NIBAN1: variants seen among roughly 807,000 people sequenced by gnomAD.
NIBAN1 encodes the protein protein Niban 1.
NIBAN1 carries 81 observed loss-of-function variants against 75.1 expected under a neutral mutation model. That is an observed-to-expected ratio of 1.08 (90% CI 0.90 to 1.30). NIBAN1 has a LOEUF of 1.30. Ranked by LOEUF, NIBAN1 falls within the 50% of genes most tolerant of loss-of-function variation. The pLI is 0.00. For missense variants in NIBAN1, 1,133 were observed against 1,128.1 expected (o/e 1.00, Z -0.06); for synonymous variants, 436 against 424.8 (o/e 1.03, Z -0.32).
intron 6 of NIBAN1, among the ~76,000 whole-genome samples, chr1:184,831,260 T>C (rs1654991877): frequency 6.6e-6 from 1 of 152,162 alleles, no homozygotes; most frequent in African/African-American, 2.4e-5. Context: ...AAAAGATAAA[T>C]TAAATATATA....
chr1:184,813,084 C>A (rs767870071), intron 9 of NIBAN1, among the ~76,000 whole-genome samples: 1 of 152,178 alleles, frequency 6.6e-6, no homozygotes, highest in Non-Finnish European at 1.5e-5. Flanking sequence ...TCTGGAGGCA[C>A]CAGAGACCCC....
chr1:184,809,641 G>GTA (rs369789591), intron 9 of NIBAN1, among the ~76,000 whole-genome samples: 22,106 of 135,902 alleles, frequency 0.16, 2,152 homozygotes, highest in East Asian at 0.37. Flanking sequence ...ATGTGTGTGT[G>GTA]TATATATATA....
chr1:184,884,868 G>A (rs985461180), intron 4 of NIBAN1, 68 bp from the exon 5 acceptor site: 2 of 1,542,388 alleles, frequency 1.3e-6, no homozygotes, highest in Non-Finnish European at 1.8e-6. Flanking sequence ...GTGTGTTTCA[G>A]GTCGTGAGGG....
chr1:184,854,011 T>C (rs1655612420), intron 5 of NIBAN1, among the ~76,000 whole-genome samples: 1 of 152,226 alleles, frequency 6.6e-6, no homozygotes, highest in Non-Finnish European at 1.5e-5. Context: ...AATGATAATG[T>C]TTTATTTAAC....
chr1:184,846,010 C>A (rs1655433445), intron 5 of NIBAN1, among the ~76,000 whole-genome samples: 1 of 85,268 alleles, frequency 1.2e-5, no homozygotes, highest in Admixed American at 1.3e-4. Flanking sequence ...GCACAGCAGT[C>A]TGAGATCAAA....
Position 184,895,754 on chromosome 1 carries a change from T to A in NIBAN1, c.187-1548A>T, listed in dbSNP as rs138695674. Among the ~76,000 whole-genome samples, 221 of 152,268 alleles carry A rather than the reference T, an allele frequency of 1.5e-3. 4 individuals are homozygous for A. The East Asian group carries it at 0.038, about 26-fold the overall frequency. ...GAGTCTCCAGAGTCTATTCTCTCCATCTTTATGTCCATGTGTACCCATTAT... is the reference window on the plus strand; with the variant it reads ...GAGTCTCCAGAGTCTATTCTCTCCAACTTTATGTCCATGTGTACCCATTAT... On this transcript the variant is annotated intron_variant, in intron 2 of 13. Transcript: ENST00000367511.
intron 6 of NIBAN1, among the ~76,000 whole-genome samples, chr1:184,829,324 T>C (rs2102232941): frequency 6.6e-6 from 1 of 152,286 alleles, no homozygotes; most frequent in East Asian, 1.9e-4. Flanking sequence ...ATGTTTTCTA[T>C]GTGTGTCTCG....
In NIBAN1 at chr1:184,796,057, A is replaced by G. The variant is rs1462145069; in HGVS notation, c.1707T>C (p.Phe569=). 1 of 1,575,244 alleles carries G rather than the reference A, an allele frequency of 6.3e-7. No individual in the cohort carries two copies. The highest frequency in any genetic ancestry group is 1.8e-5 in the Admixed American group (1 of 54,376). Residue 569 remains phenylalanine (F), a synonymous_variant, in exon 14 of 14, where the codon TTT becomes TTC. Coordinates refer to ENST00000367511, the MANE Select transcript of NIBAN1 (RefSeq NM_052966.4). Reference sequence around the variant, plus strand: ...CACTGGGCAAGGCCATGTTATCTTCAAATAAGTTGTGTTTCTTCAAGATAG... The same window carrying G: ...CACTGGGCAAGGCCATGTTATCTTCGAATAAGTTGTGTTTCTTCAAGATAG... ...EAAILKKHNL[F]EDNMALPSES... is the part of the protein sequence containing the mutation.
intron 4 of NIBAN1, among the ~76,000 whole-genome samples, chr1:184,885,298 G>A (rs563209059): frequency 2.0e-5 from 3 of 151,970 alleles, no homozygotes; most frequent in Admixed American, 6.6e-5. Flanking sequence ...TCAGCCTCTC[G>A]AGTAGCTGGG....
In NIBAN1 at chr1:184,925,669, A is replaced by AT. The variant is rs1199152078; in HGVS notation, c.56-26361dup. Among the ~76,000 whole-genome samples the AT allele has an allele frequency of 2.0e-5, 3 of 152,052 alleles. No individual in the cohort carries two copies. The East Asian group carries it at 5.8e-4, about 29-fold the overall frequency. On this transcript the variant is annotated intron_variant, in intron 1 of 13. Coordinates refer to ENST00000367511, the MANE Select transcript of NIBAN1 (RefSeq NM_052966.4). Reference sequence around the variant, plus strand: ...CTGATGACAACTTAACACTGATTGCATAAACAAATAAGCAAAGAGAAAACA... The same window carrying AT: ...CTGATGACAACTTAACACTGATTGCATTAAACAAATAAGCAAAGAGAAAACA...
chr1:184,843,503 G>A (rs1448948050), intron 5 of NIBAN1, among the ~76,000 whole-genome samples: 1 of 152,134 alleles, frequency 6.6e-6, no homozygotes, highest in Admixed American at 6.5e-5. Flanking sequence ...AAAATACTCT[G>A]TGTGCTGAAG....
chr1:184,795,013 A>G lies in NIBAN1; in HGVS notation c.2751T>C (p.Gly917=), dbSNP rs1418785885. 6.2e-7 allele frequency: 1 copy of G among 1,612,634 alleles called. No homozygotes were observed. Among genetic ancestry groups the G allele is most frequent in the Non-Finnish European group, 8.5e-7 (1 of 1,180,014 alleles). The part of the protein sequence containing the change: ...HKDDVKEGEG[G]QESFPELPSE... ...AGGGCAGCTCTGGGAAACTCTCCTG[A>G]CCACCTTCTCCCTCCTTCACGTCAT... The change falls in exon 14 of 14, where the codon GGT becomes GGC. Residue 917 remains glycine, a synonymous_variant. Transcript: ENST00000367511.
At chr1:184,966,456 A>G (rs1449767252) in intron 1 of NIBAN1, among the ~76,000 whole-genome samples, 3 of 152,236 alleles carry the variant, frequency 2.0e-5, no homozygotes, top group Non-Finnish European at 4.4e-5. Flanking sequence ...ACCACCAGCA[A>G]AAATAAAAAG....
chr1:184,840,085 C>T (rs190084572), intron 5 of NIBAN1, among the ~76,000 whole-genome samples: 190 of 152,180 alleles, frequency 1.2e-3, no homozygotes, highest in African/African-American at 4.5e-3. Flanking sequence ...ACAAAACTTC[C>T]CTGGAATTAA....
At chr1:184,861,794 G>T (rs1166306038) in intron 5 of NIBAN1, among the ~76,000 whole-genome samples, 1 of 151,530 alleles carries the variant, frequency 6.6e-6, no homozygotes, top group African/African-American at 2.4e-5. Context: ...AAAGAAGAAG[G>T]GAGGGAAGAA....
chr1:184,890,043 C>A, intron 4 of NIBAN1, 65 bp downstream of exon 4: 1 of 1,243,426 alleles, frequency 8.0e-7, no homozygotes, highest in Non-Finnish European at 1.2e-6. Context: ...CACAGAGAAA[C>A]ACTGCTCCAG....
chr1:184,919,705 A>T (rs943893857), intron 1 of NIBAN1, among the ~76,000 whole-genome samples: 1 of 152,108 alleles, frequency 6.6e-6, no homozygotes, highest in African/African-American at 2.4e-5. Context: ...GGTAATGGTA[A>T]CAGGTGAGGA....
intron 1 of NIBAN1, among the ~76,000 whole-genome samples, chr1:184,947,266 A>G (rs918806657): frequency 6.6e-6 from 1 of 152,176 alleles, no homozygotes; most frequent in East Asian, 1.9e-4. Context: ...AGGGTGCTGT[A>G]GTAAAAAGGG....
At chr1:184,952,477 T>G (rs975854640) in intron 1 of NIBAN1, among the ~76,000 whole-genome samples, 3 of 152,212 alleles carry the variant, frequency 2.0e-5, no homozygotes, top group African/African-American at 7.2e-5. Flanking sequence ...GGGTGTCCAG[T>G]CTTTGGGATT....
Sources: allele counts gnomAD v4.1 joint callset (sites outside exome capture counted in the v4.1 genomes callset), GRCh38; gene constraint gnomAD v4.1.1; transcripts MANE v1.5; gene names NCBI Gene and HGNC (gene_info 2026-07-23, HGNC 2026-07-21).